The following PTPRT variants were observed in gnomAD, a reference collection of about 807,000 sequenced individuals.
The protein encoded by PTPRT is protein tyrosine phosphatase receptor type T.
Under a neutral mutation model 176.8 loss-of-function variants are expected in PTPRT, and 56 were observed. The observed-to-expected ratio is 0.32, with a 90% CI of 0.26 to 0.40. PTPRT has a LOEUF of 0.40. PTPRT is among the 10% of genes least tolerant of loss of function. PTPRT has a pLI of 1.00. For missense variants in PTPRT, 1,540 were observed against 1,908.2 expected (o/e 0.81, Z 3.60); for synonymous variants, 783 against 739.0 (o/e 1.06, Z -0.96).
At chr20:42,647,953 TG>T (rs1226134820) in intron 7 of PTPRT, among the ~76,000 whole-genome samples, 3 of 152,178 alleles carry the variant, frequency 2.0e-5, no homozygotes, top group Non-Finnish European at 2.9e-5. Flanking sequence ...TAAGCTTTGC[TG>T]GAAATTTCTC....
In PTPRT at chr20:43,106,508, T is replaced by G. The variant is rs539889445; in HGVS notation, c.88+83138A>C. On this transcript the variant is annotated intron_variant, in intron 1 of 30. Transcript: ENST00000373187. ...CCCATCTCTACTAAAAATACAAAAA[T>G]TAGCTGGGCGTGATGGCGGGCACCT... 6.6e-5 allele frequency among the ~76,000 whole-genome samples: 10 copies of G among 151,612 alleles called. No individual in the cohort carries two copies. The South Asian group carries it at 2.1e-3, about 32-fold the overall frequency.
chr20:42,937,073 G>A (rs770512517), intron 1 of PTPRT, among the ~76,000 whole-genome samples: 23 of 152,168 alleles, frequency 1.5e-4, no homozygotes, highest in Admixed American at 5.9e-4. Context: ...CCATCCCTGC[G>A]CAGTGGGAAT....
chr20:42,781,221 C>T (rs1020059972), intron 3 of PTPRT, among the ~76,000 whole-genome samples: 12 of 152,084 alleles, frequency 7.9e-5, no homozygotes, highest in African/African-American at 2.9e-4. Flanking sequence ...AGACTCCATA[C>T]GAGTCTCTCC....
At chr20:42,293,882 T>C (rs2147096063) in intron 12 of PTPRT, among the ~76,000 whole-genome samples, 1 of 152,316 alleles carries the variant, frequency 6.6e-6, no homozygotes, top group South Asian at 2.1e-4. Context: ...CATTAATTCA[T>C]GTTGGATCTG....
At chr20:42,478,405 C>T (rs1195077562) in intron 7 of PTPRT, among the ~76,000 whole-genome samples, 3 of 152,140 alleles carry the variant, frequency 2.0e-5, no homozygotes, top group Non-Finnish European at 4.4e-5. Context: ...GCTCCTCTTT[C>T]TACATCAGCT....
chr20:42,889,645 T>C (rs1262987173), intron 1 of PTPRT, among the ~76,000 whole-genome samples: 4 of 152,190 alleles, frequency 2.6e-5, no homozygotes, highest in Non-Finnish European at 5.9e-5. Context: ...ATCCCAGCAA[T>C]ACACACAGTT....
In PTPRT at chr20:42,888,567, T is replaced by TAAAAA. The variant is rs111728078; in HGVS notation, c.89-2636_89-2635insTTTTT. Among the ~76,000 whole-genome samples, 370 of 152,284 alleles carry TAAAAA rather than the reference T, an allele frequency of 2.4e-3. 1 individual carries two copies. The highest frequency in any genetic ancestry group is 8.4e-3 in the African/African-American group (348 of 41,552). ...GGAAGGAAAGTGTTGGAGCCAATAT[T>TAAAAA]AAATCCATGGCAGCATAGCTGTAGA... is the stretch of plus-strand genomic sequence containing the variant. On this transcript the variant is annotated intron_variant, in intron 1 of 30. Transcript: ENST00000373187.
At chr20:43,057,270 G>A (rs1395883701) in intron 1 of PTPRT, among the ~76,000 whole-genome samples, 1 of 124,320 alleles carries the variant, frequency 8.0e-6, no homozygotes. Context: ...AATGAAGGAA[G>A]GAGGAAGGGG....
intron 20 of PTPRT, among the ~76,000 whole-genome samples, chr20:42,118,904 G>A (rs1168736794): frequency 6.6e-6 from 1 of 151,650 alleles, no homozygotes; most frequent in East Asian, 1.9e-4. Context: ...GGGGTGGGGG[G>A]TGGAGAGAGC....
rs762081981 is a variant in PTPRT at position 42,161,539 on chromosome 20, T to C, written c.2495A>G (p.Asp832Gly). 6.2e-7 allele frequency: 1 copy of C among 1,603,944 alleles called. No individual in the cohort carries two copies. The highest frequency in any genetic ancestry group is 8.5e-7 in the Non-Finnish European group (1 of 1,175,324). The change falls in exon 17 of 31, where the codon GAT (aspartate) becomes GGT (glycine). Residue 832 changes from aspartate to glycine, a missense_variant. This residue lies in a region of PTPRT where 255 missense variants were observed against 250.1 expected (regional missense o/e 1.02). Coordinates refer to ENST00000373187, the MANE Select transcript of PTPRT (RefSeq NM_007050.6). ...CTGGGAAAGCTCCCCGCGGCTGCCA[T>C]CTGCTTCGAAAAGAAGGAGGCAGAA... ...SSSQDVNGFTDGSRGELSQPT... is the reference protein window; with the variant it reads ...SSSQDVNGFTGGSRGELSQPT...
At chr20:42,469,082 T>C (rs1234538631) in intron 8 of PTPRT, among the ~76,000 whole-genome samples, 1 of 149,516 alleles carries the variant, frequency 6.7e-6, no homozygotes, top group Non-Finnish European at 1.5e-5. Flanking sequence ...TACCTTTTTG[T>C]TTTTTTTTTC....
At chr20:42,663,873 G>A (rs572846261) in intron 7 of PTPRT, among the ~76,000 whole-genome samples, 4 of 152,220 alleles carry the variant, frequency 2.6e-5, no homozygotes, top group South Asian at 2.1e-4. Context: ...CTCTCCAATC[G>A]TTGGTGCATT....
At chr20:42,709,752 G>C (rs1033383840) in intron 6 of PTPRT, among the ~76,000 whole-genome samples, 7 of 152,184 alleles carry the variant, frequency 4.6e-5, no homozygotes, top group African/African-American at 1.7e-4. Flanking sequence ...GAAAAAGAGA[G>C]GGAGATGAGG....
chr20:42,140,976 C>G (rs752585103), intron 18 of PTPRT, among the ~76,000 whole-genome samples: 4 of 152,142 alleles, frequency 2.6e-5, no homozygotes, highest in Non-Finnish European at 4.4e-5. Context: ...GTAACTTTCC[C>G]AGGGCCCTAC....
At chr20:42,206,533 G>C (rs1230286242) in intron 15 of PTPRT, among the ~76,000 whole-genome samples, 2 of 152,230 alleles carry the variant, frequency 1.3e-5, no homozygotes, top group African/African-American at 4.8e-5. Flanking sequence ...ACGGCACCTG[G>C]AAAATCGGGT....
chr20:42,069,740 T>A (rs1029496381), downstream of PTPRT, among the ~76,000 whole-genome samples: 1 of 152,240 alleles, frequency 6.6e-6, no homozygotes, highest in African/African-American at 2.4e-5. Context: ...ATTCTCTGTA[T>A]ATGTCTCTAT....
At chr20:42,214,753 G>C (rs1401442582) in intron 15 of PTPRT, among the ~76,000 whole-genome samples, 1 of 152,220 alleles carries the variant, frequency 6.6e-6, no homozygotes, top group Non-Finnish European at 1.5e-5. Flanking sequence ...AGTGAAATCA[G>C]AGCAGCAGAA....
At chr20:42,421,115 A>G (rs1307113724) in intron 9 of PTPRT, among the ~76,000 whole-genome samples, 1 of 152,118 alleles carries the variant, frequency 6.6e-6, no homozygotes, top group Non-Finnish European at 1.5e-5. Flanking sequence ...AATCAGGTAG[A>G]TCCCATATAA....
intron 13 of PTPRT, among the ~76,000 whole-genome samples, chr20:42,264,959 T>C (rs192259039): frequency 1.3e-5 from 2 of 152,302 alleles, no homozygotes; most frequent in South Asian, 2.1e-4. Flanking sequence ...ATCTTACCAA[T>C]GGTCAGCTTG....
Sources: gnomAD v4.1 joint callset for allele counts (sites outside exome capture counted in the v4.1 genomes callset) on GRCh38, gnomAD v4.1.1 for gene constraint, gnomAD v4.1.1 regional missense constraint, MANE v1.5 for transcripts, NCBI Gene and HGNC (gene_info 2026-07-23, HGNC 2026-07-21) for gene names.